Variants in TTC3 observed in about 807,000 individuals in gnomAD.
The protein encoded by TTC3 is tetratricopeptide repeat domain 3.
TTC3 carries 180 observed loss-of-function variants against 249.6 expected under a neutral mutation model. The ratio of observed to expected loss-of-function variants is 0.72; its 90% confidence interval spans 0.64 to 0.82. The LOEUF is 0.82. TTC3 is among the 40% of genes least tolerant of loss of function. The pLI is 0.00. For missense variants in TTC3, 2,061 were observed against 2,398.4 expected (o/e 0.86, Z 2.94); for synonymous variants, 717 against 805.0 (o/e 0.89, Z 1.85).
At chr21:37,088,403 A>G in intron 4 of TTC3, 57 bp downstream of exon 4, 1 of 1,547,516 alleles carries the variant, frequency 6.5e-7, no homozygotes, top group African/African-American at 1.4e-5. Flanking sequence ...GTTACCCAAT[A>G]CCAAGAAATG....
At chr21:37,199,173 T>C (rs2085247858) in intron 44 of TTC3, among the ~76,000 whole-genome samples, 1 of 152,190 alleles carries the variant, frequency 6.6e-6, no homozygotes, top group Non-Finnish European at 1.5e-5. Context: ...CAAGGTCTTC[T>C]CAGCCTTGGG....
chr21:37,162,135 A>G, intron 31 of TTC3, 72 bp downstream of exon 31: 1 of 961,242 alleles, frequency 1.0e-6, no homozygotes, highest in East Asian at 2.7e-5. Flanking sequence ...TGTTAATTTA[A>G]TATATATAAA....
intron 34 of TTC3, among the ~76,000 whole-genome samples, chr21:37,169,854 A>AG (rs1486271049): frequency 6.6e-6 from 1 of 151,696 alleles, no homozygotes; most frequent in African/African-American, 2.4e-5. Flanking sequence ...TCTCAAAAAA[A>AG]AAAAAACAAA....
intron 11 of TTC3, among the ~76,000 whole-genome samples, chr21:37,115,874 T>C (rs1011010586): frequency 2.6e-5 from 4 of 152,232 alleles, no homozygotes; most frequent in African/African-American, 9.6e-5. Flanking sequence ...CAGTCGATAT[T>C]GAAAGGACTC....
intron 24 of TTC3, 58 bp downstream of exon 24, chr21:37,150,228 A>C (rs1257374118): frequency 8.3e-7 from 1 of 1,211,414 alleles, no homozygotes; most frequent in East Asian, 2.3e-5. Context: ...ACACCTTTTG[A>C]AACATGATTT....
Position 37,138,727 on chromosome 21 carries a change from A to G in TTC3, c.1659+13A>G. 1.9e-6 allele frequency: 3 copies of G among 1,574,300 alleles called. No homozygotes were observed. The highest frequency in any genetic ancestry group is 2.6e-6 in the Non-Finnish European group (3 of 1,148,188). ...AGGACAGCCTGAGGTAAGATTTGTA[A>G]CAGTGGTAATAAACAATTAAAATGA... On this transcript the variant is annotated intron_variant, in intron 19 of 45. Coordinates refer to ENST00000355666, the Ensembl canonical transcript of TTC3.
At chr21:37,171,318 G>A (rs2081762972) in intron 34 of TTC3, among the ~76,000 whole-genome samples, 1 of 152,226 alleles carries the variant, frequency 6.6e-6, no homozygotes, top group South Asian at 2.1e-4. Flanking sequence ...CTTGATGCTA[G>A]TATAGGTGAT....
intron 20 of TTC3, among the ~76,000 whole-genome samples, chr21:37,143,352 C>G (rs1023172946): frequency 6.6e-6 from 1 of 151,980 alleles, no homozygotes; most frequent in Non-Finnish European, 1.5e-5. Flanking sequence ...ACTCATCTGA[C>G]GAAGGGCTAA....
chr21:37,160,645 G>A (rs879684463), intron 29 of TTC3, among the ~76,000 whole-genome samples, 157 bp from the exon 30 acceptor site: 2 of 151,960 alleles, frequency 1.3e-5, no homozygotes, highest in African/African-American at 2.4e-5. Flanking sequence ...ATTATAAATC[G>A]TAGCACTTGG....
At chr21:37,087,804 ACAAAT>A (rs531190502) in intron 2 of TTC3, 24 bp from the exon 3 acceptor site, 41 of 1,534,658 alleles carry the variant, frequency 2.7e-5, no homozygotes, top group African/African-American at 2.1e-4. Context: ...TTTACTAGAC[ACAAAT>A]CAAAATAATT....
intron 10 of TTC3, 48 bp downstream of exon 10, chr21:37,096,691 CCA>C: frequency 7.0e-7 from 1 of 1,419,482 alleles, no homozygotes; most frequent in Non-Finnish European, 9.8e-7. Flanking sequence ...TGCTAAATAC[CCA>C]TTTTTGGGAA....
chr21:37,114,629 C>A (rs2075966684), intron 11 of TTC3, among the ~76,000 whole-genome samples: 1 of 152,114 alleles, frequency 6.6e-6, no homozygotes, highest in South Asian at 2.1e-4. Context: ...TGTGGCGATT[C>A]CTCAGGGATC....
intron 7 of TTC3, among the ~76,000 whole-genome samples, chr21:37,091,939 A>G (rs932579958): frequency 3.9e-5 from 6 of 152,316 alleles, no homozygotes; most frequent in Non-Finnish European, 4.4e-5. Flanking sequence ...AATTATTTTT[A>G]TGACATTGTA....
At chr21:37,175,920 G>A (rs2082243865) in intron 35 of TTC3, among the ~76,000 whole-genome samples, 3 of 151,322 alleles carry the variant, frequency 2.0e-5, no homozygotes, top group Admixed American at 2.0e-4. Context: ...CAGGCTGCAC[G>A]CCACCAAGCC....
intron 24 of TTC3, among the ~76,000 whole-genome samples, chr21:37,150,400 T>C (rs2079357710): frequency 6.6e-6 from 1 of 152,184 alleles, no homozygotes; most frequent in Admixed American, 6.5e-5. Context: ...TTTTATATCT[T>C]AGTTTTACTA....
rs191852502 is a variant in TTC3, at chr21:37,090,792, T to C, written c.481-501T>C. 8.5e-4 allele frequency among the ~76,000 whole-genome samples: 130 copies of C among 152,314 alleles called. 1 individual carries two copies. Among genetic ancestry groups the C allele is most frequent in the Non-Finnish European group, 1.4e-3 (96 of 68,030 alleles). ...CCTTCATGGAGATCACTGCACTGAG[T>C]GCCCATTTGCCCAGCCACATCTTCC... On this transcript the variant is annotated intron_variant, in intron 6 of 45. Coordinates refer to ENST00000355666, the Ensembl canonical transcript of TTC3.
intron 35 of TTC3, among the ~76,000 whole-genome samples, chr21:37,175,339 G>A (rs8127364): frequency 0.12 from 18,306 of 148,560 alleles, 1,268 homozygotes; most frequent in Admixed American, 0.16. Flanking sequence ...TGTAATCCTT[G>A]TAATCCCAGC....
At chr21:37,175,771 A>T (rs1458140261) in intron 35 of TTC3, among the ~76,000 whole-genome samples, 1 of 147,824 alleles carries the variant, frequency 6.8e-6, no homozygotes, top group Non-Finnish European at 1.5e-5. Context: ...GGCTTTTTAA[A>T]TTTTTTTTTT....
intron 1 of TTC3, among the ~76,000 whole-genome samples, chr21:37,085,521 A>G (rs1015251026): frequency 1.3e-5 from 2 of 152,194 alleles, no homozygotes; most frequent in Non-Finnish European, 2.9e-5. Context: ...TTCTTGATGA[A>G]GTTGAAGAAT....
Sources: gnomAD v4.1 joint callset for allele counts (sites outside exome capture counted in the v4.1 genomes callset) on GRCh38, gnomAD v4.1.1 for gene constraint, MANE v1.5 for transcripts, NCBI Gene and HGNC (gene_info 2026-07-23, HGNC 2026-07-21) for gene names.